N4BP2L2: variants seen among roughly 807,000 people sequenced by gnomAD.
N4BP2L2 encodes NEDD4 binding protein 2 like 2.
A neutral mutation model predicts 56.2 loss-of-function variants in N4BP2L2; 50 were observed. The observed-to-expected ratio is 0.89, with a 90% confidence interval of 0.71 to 1.13. N4BP2L2 has a LOEUF of 1.13. Ranked by LOEUF, N4BP2L2 falls within the 50% of genes most tolerant of loss-of-function variation. N4BP2L2 has a pLI of 0.00. For synonymous variants in N4BP2L2, 203 were observed against 223.6 expected (o/e 0.91, Z 0.82); for missense variants, 689 against 693.8 (o/e 0.99, Z 0.08).
chr13:32,484,576 C>T (rs569820780), intron 6 of N4BP2L2, among the ~76,000 whole-genome samples: 6 of 151,974 alleles, frequency 3.9e-5, no homozygotes, highest in Admixed American at 1.3e-4. Context: ...CTCCGCCTCC[C>T]GGGTTCAAAG....
intron 2 of N4BP2L2, among the ~76,000 whole-genome samples, chr13:32,532,516 TATAAA>T (rs1450120565): frequency 2.0e-5 from 3 of 152,084 alleles, no homozygotes; most frequent in Non-Finnish European, 4.4e-5. Context: ...GCCCTACTAA[TATAAA>T]ATGTCATTTC....
exon 6 of N4BP2L2, chr13:32,515,896 C>A (rs2049112183): frequency 6.6e-6 from 1 of 152,162 alleles, no homozygotes; most frequent in Non-Finnish European, 1.5e-5. Flanking sequence ...CACCACCACA[C>A]CCAGCTGATT....
At chr13:32,439,926 T>C (rs1188061259) in intron 7 of N4BP2L2, among the ~76,000 whole-genome samples, 1 of 149,380 alleles carries the variant, frequency 6.7e-6, no homozygotes, top group Non-Finnish European at 1.5e-5. Flanking sequence ...CTTGGGAAGC[T>C]GAGGCAGGAG....
chr13:32,527,621 A>T lies in N4BP2L2; in HGVS notation c.1260-89T>A, dbSNP rs918593504. On this transcript the variant is annotated intron_variant, in intron 2 of 5. Coordinates refer to ENST00000267068, the Ensembl canonical transcript of N4BP2L2. ...TCAGAAATAAATATAACCAAGTGAAATAAATCACACAGGAAAGGTTATTAA... is the reference window on the plus strand; with the variant it reads ...TCAGAAATAAATATAACCAAGTGAATTAAATCACACAGGAAAGGTTATTAA... 31 of 1,426,666 alleles carry T rather than the reference A, an allele frequency of 2.2e-5. 1 individual carries two copies. The highest frequency in any genetic ancestry group is 2.5e-5 in the Non-Finnish European group (26 of 1,048,978). 88.4% of individuals were successfully genotyped at this position (1,426,666 alleles called of 1,614,324 possible). A position where few individuals can be genotyped will look rare whatever the true frequency, so the allele number is the denominator to read the frequency against.
chr13:32,474,456 G>A (rs1034661441), intron 6 of N4BP2L2, among the ~76,000 whole-genome samples: 12 of 151,890 alleles, frequency 7.9e-5, no homozygotes, highest in South Asian at 2.1e-4. Flanking sequence ...TTGGGAGGCC[G>A]AGGTGGGCGA....
chr13:32,467,276 G>C (rs904429587), intron 6 of N4BP2L2, among the ~76,000 whole-genome samples: 1 of 134,902 alleles, frequency 7.4e-6, no homozygotes, highest in African/African-American at 2.8e-5. Flanking sequence ...TTTTTTTTTT[G>C]AGACAGAGTC....
exon 6 of N4BP2L2, chr13:32,512,120 ATGG>A (rs1406412017): frequency 6.6e-6 from 1 of 152,224 alleles, no homozygotes; most frequent in Non-Finnish European, 1.5e-5. Flanking sequence ...GTATATTTCA[ATGG>A]ACTCTACTAA....
chr13:32,515,156 A>T (rs1169095625), exon 6 of N4BP2L2: 1 of 148,800 alleles, frequency 6.7e-6, no homozygotes, highest in Non-Finnish European at 1.5e-5. Context: ...AAAAAAAAAA[A>T]TCACTAAAGC....
rs534257836 is a variant in N4BP2L2, at chr13:32,526,108, G to A, written c.1384+1300C>T. On this transcript the variant is annotated intron_variant, in intron 3 of 5. Transcript: ENST00000267068. ...ATTTCCATTCACAGAAAACAAAGAA[G>A]AGGAGCAAGTTAAACGGTTAACACC... Among the ~76,000 whole-genome samples the A allele has an allele frequency of 2.7e-5, 4 of 149,698 alleles. No homozygotes were observed. In the South Asian group the frequency reaches 8.4e-4, roughly 32 times the overall value.
intron 6 of N4BP2L2, among the ~76,000 whole-genome samples, chr13:32,469,018 A>C (rs112952730): frequency 0.057 from 8,738 of 152,270 alleles, 845 homozygotes; most frequent in African/African-American, 0.2. Context: ...AGAGCTGCTG[A>C]TGAGGAGCTA....
chr13:32,511,142 T>A (rs190670563), exon 6 of N4BP2L2: 3 of 152,302 alleles, frequency 2.0e-5, no homozygotes, highest in African/African-American at 7.2e-5. Context: ...CATTGTAGAA[T>A]TGTGAAAATT....
At chr13:32,498,088 C>T (rs537208264) in intron 6 of N4BP2L2, among the ~76,000 whole-genome samples, 1 of 151,336 alleles carries the variant, frequency 6.6e-6, no homozygotes, top group Non-Finnish European at 1.5e-5. Flanking sequence ...TGGGTTTAAG[C>T]GACTCTCCCA....
intron 6 of N4BP2L2, among the ~76,000 whole-genome samples, chr13:32,446,184 G>C (rs555831196): frequency 6.6e-6 from 1 of 152,298 alleles, no homozygotes; most frequent in South Asian, 2.1e-4. Context: ...TGAAAATCTT[G>C]TTCTTTGTCA....
chr13:32,533,106 A>C (rs1280111916), intron 2 of N4BP2L2, among the ~76,000 whole-genome samples: 23 of 152,192 alleles, frequency 1.5e-4, no homozygotes, highest in Admixed American at 1.4e-3. Flanking sequence ...TCTAAATTTT[A>C]ATAGCTGGTG....
chr13:32,527,504 T>A (rs769543216), exon 3 of N4BP2L2: 1 of 1,613,312 alleles, frequency 6.2e-7, no homozygotes, highest in African/African-American at 1.3e-5. Flanking sequence ...CTGAACACAA[T>A]GCCATCACGA....
chr13:32,477,854 A>G lies in N4BP2L2; in HGVS notation c.366-33728T>C, dbSNP rs1437915657. On this transcript the variant is annotated intron_variant, in intron 6 of 9. Coordinates refer to the N4BP2L2 transcript ENST00000357505. ...GGCATAGTTGTTTGCACTGGATTTG[A>G]AACAAAATTCATGCAGAATTCCGTC... 2.3e-6 allele frequency: 3 copies of G among 1,288,706 alleles called. No individual in the cohort carries two copies. The Admixed American group carries it at 6.9e-5, about 30-fold the overall frequency. The allele number at this position is 1,288,706 out of a possible 1,614,324, so 79.8% of individuals were successfully genotyped here.
intron 4 of N4BP2L2, 188 bp downstream of exon 4, chr13:32,521,994 T>G (rs2051091779): frequency 3.8e-6 from 2 of 532,566 alleles, no homozygotes; most frequent in Non-Finnish European, 6.4e-6. Context: ...AAACAAAAAT[T>G]AACAAGATGA....
intron 6 of N4BP2L2, among the ~76,000 whole-genome samples, chr13:32,480,357 G>T (rs2084361885): frequency 6.6e-6 from 1 of 152,150 alleles, no homozygotes; most frequent in South Asian, 2.1e-4. Context: ...CTCATTTAAT[G>T]CAATTGTAAA....
chr13:32,538,823 A>C (rs2057283242), upstream of N4BP2L2: 1 of 985,368 alleles, frequency 1.0e-6, no homozygotes, highest in African/African-American at 1.7e-5. Flanking sequence ...CCAGGCCAAA[A>C]CTAGGCGTTT....
Sources: gnomAD v4.1 joint callset for allele counts (sites outside exome capture counted in the v4.1 genomes callset) on GRCh38, gnomAD v4.1.1 for gene constraint, MANE v1.5 for transcripts, NCBI Gene and HGNC (gene_info 2026-07-23, HGNC 2026-07-21) for gene names.